SMG1: variants seen among roughly 807,000 people sequenced by gnomAD.
SMG1 encodes SMG1 nonsense mediated mRNA decay associated PI3K related kinase, also known as serine/threonine-protein kinase SMG1.
A neutral mutation model predicts 419.9 loss-of-function variants in SMG1; 22 were observed. That is an observed-to-expected ratio of 0.05 (90% CI 0.04 to 0.07). The LOEUF is 0.07. Ranked by LOEUF, SMG1 falls within the 10% of genes least tolerant of loss-of-function variation. The pLI, the probability that SMG1 is intolerant of heterozygous loss-of-function variation, is 1.00. For synonymous variants in SMG1, 1,538 were observed against 1,553.5 expected (o/e 0.99, Z 0.23); for missense variants, 3,185 against 4,342.0 (o/e 0.73, Z 7.49).
chr16:18,908,320 TCAC>T (rs1421136735), intron 1 of SMG1, among the ~76,000 whole-genome samples: 1 of 141,452 alleles, frequency 7.1e-6, no homozygotes, highest in Non-Finnish European at 1.5e-5. Flanking sequence ...AGCCGAGAGC[TCAC>T]CACTACACTC....
intron 25 of SMG1, among the ~76,000 whole-genome samples, chr16:18,861,984 G>A (rs909312432): frequency 3.3e-5 from 5 of 151,816 alleles, no homozygotes; most frequent in African/African-American, 1.2e-4. Context: ...CCTTCCCCTT[G>A]GCCAAAAGAA....
intron 29 of SMG1, 118 bp downstream of exon 29, chr16:18,858,052 A>C: frequency 2.7e-6 from 2 of 751,364 alleles, no homozygotes; most frequent in Middle Eastern, 2.6e-4. Context: ...ACACAAGTGA[A>C]GACATGTTAG....
Position 18,829,390 on chromosome 16 carries a change from C to T in SMG1, c.9499G>A (p.Asp3167Asn), listed in dbSNP as rs867858063. The part of the protein sequence containing the change: ...NRATVLASSY[D>N]TAWKKHDLVR... ...AAGTCATGCTTCTTCCAGGCAGTGTCGTAAGAACTTGCTAACACAGTTGCC... is the reference window on the plus strand; with the variant it reads ...AAGTCATGCTTCTTCCAGGCAGTGTTGTAAGAACTTGCTAACACAGTTGCC... The change falls in exon 54 of 63, where the codon GAC becomes AAC. Residue 3167 changes from aspartate to asparagine, a missense_variant. By Grantham distance (23) the Asp-to-Asn change is conservative (BLOSUM62 1). Transcript: ENST00000446231. 9 of 1,613,996 alleles carry T rather than the reference C, an allele frequency of 5.6e-6. No individual in the cohort carries two copies. The highest frequency in any genetic ancestry group is 1.3e-5 in the African/African-American group (1 of 75,058).
rs748804972 is a variant in SMG1 at position 18,853,674 on chromosome 16, A to T, written c.4677T>A (p.Ser1559=). ...GAGTGAGTATGTTTTTAGACAAAGT[A>T]GAAAGACCTGTGAAGTTCTGTTGGT... ...AQHQQNFTGL[S]TLSKNILTLI... Residue 1559 remains serine, a synonymous_variant, in exon 31 of 63, where the codon TCT becomes TCA. Transcript: ENST00000446231. 2.0e-5 allele frequency: 32 copies of T among 1,613,422 alleles called. No individual in the cohort carries two copies. Among genetic ancestry groups the T allele is most frequent in the African/African-American group, 9.3e-5 (7 of 74,946 alleles).
At position 18,905,187 on chromosome 16, in the gene SMG1, G is replaced by A. The variant is rs145399474; in HGVS notation, c.93-8231C>T. 7.8e-3 allele frequency among the ~76,000 whole-genome samples: 1,184 copies of A among 152,256 alleles called. 19 individuals carry two copies. Among genetic ancestry groups the A allele is most frequent in the African/African-American group, 0.026 (1,071 of 41,532 alleles). On this transcript the variant is annotated intron_variant, in intron 1 of 62. Transcript: ENST00000446231. ...GAAGCAGGAGAACCACTTGAACCCC[G>A]GAGGTGGAGGTTGCAGTGAGCTGAG...
intron 1 of SMG1, among the ~76,000 whole-genome samples, chr16:18,907,175 AG>A (rs2037595950): frequency 6.6e-6 from 1 of 151,730 alleles, no homozygotes; most frequent in Non-Finnish European, 1.5e-5. Context: ...CCAGCTACTC[AG>A]GAGGCTGAGG....
chr16:18,898,997 T>C lies in SMG1; in HGVS notation c.93-2041A>G, dbSNP rs557048178. 7.9e-5 allele frequency among the ~76,000 whole-genome samples: 12 copies of C among 152,326 alleles called. No homozygotes were observed. In the East Asian group the frequency reaches 1.2e-3, roughly 15 times the overall value. ...GATACCTACCTAACATGCAAGGTTGTTGTGAGGCTTAAATAAGATAATGAA... is the reference window on the plus strand; with the variant it reads ...GATACCTACCTAACATGCAAGGTTGCTGTGAGGCTTAAATAAGATAATGAA... On this transcript the variant is annotated intron_variant, in intron 1 of 62. Transcript: ENST00000446231.
intron 16 of SMG1, among the ~76,000 whole-genome samples, 189 bp from the exon 17 acceptor site, chr16:18,871,077 C>T (rs893274898): frequency 6.6e-6 from 1 of 152,138 alleles, no homozygotes; most frequent in Non-Finnish European, 1.5e-5. Context: ...ACAAAACCCA[C>T]GTAATGTAAC....
At chr16:18,854,082 CTTTTTTT>C (rs11448105) in intron 30 of SMG1, among the ~76,000 whole-genome samples, 3 of 84,012 alleles carry the variant, frequency 3.6e-5, no homozygotes, top group Non-Finnish European at 6.4e-5. Context: ...AAATACTAAA[CTTTTTTT>C]TTTTTTTTTT....
At position 18,819,530 on chromosome 16, in the gene SMG1, A is replaced by G; in HGVS notation, c.9866T>C (p.Val3289Ala). The G allele has an allele frequency of 6.2e-7, 1 of 1,610,002 alleles. No individual in the cohort carries two copies. Among genetic ancestry groups the G allele is most frequent in the Non-Finnish European group, 8.5e-7 (1 of 1,177,912 alleles). ...ACTTGCTCTTTGGCTCTCTTTAAGG[A>G]CAAGATTTCTTCTTTCAGCTATCGT... ...EATIAERRNL[V>A]LKESQRASQV... The change falls in exon 56 of 63, where the codon GTC (valine) becomes GCC (alanine). Residue 3289 changes from valine to alanine, a missense_variant. Coordinates refer to ENST00000446231, the MANE Select transcript of SMG1 (RefSeq NM_015092.5).
At chr16:18,924,638 G>A (rs1422312564) in intron 1 of SMG1, among the ~76,000 whole-genome samples, 1 of 152,028 alleles carries the variant, frequency 6.6e-6, no homozygotes, top group Non-Finnish European at 1.5e-5. Context: ...TACAAGACAA[G>A]TCAACGCTGT....
At chr16:18,838,879 A>G (rs1170228455) in intron 42 of SMG1, among the ~76,000 whole-genome samples, 190 bp from the exon 43 acceptor site, 2 of 152,192 alleles carry the variant, frequency 1.3e-5, no homozygotes, top group East Asian at 3.8e-4. Context: ...TGTAGACCTG[A>G]TTGGTCCTAG....
intron 19 of SMG1, 108 bp downstream of exon 19, chr16:18,869,746 T>C: frequency 1.1e-6 from 1 of 887,734 alleles, no homozygotes; most frequent in East Asian, 2.5e-5. Context: ...AGAATGTTAC[T>C]TGATACTCTG....
chr16:18,865,001 T>C (rs755747032), intron 23 of SMG1, among the ~76,000 whole-genome samples: 8 of 152,182 alleles, frequency 5.3e-5, no homozygotes, highest in East Asian at 1.9e-4. Context: ...CTGATGTCAG[T>C]GTGTGGAAAG....
At position 18,896,081 on chromosome 16, in the gene SMG1, A is replaced by G. The variant is rs2141847521; in HGVS notation, c.383T>C (p.Leu128Ser). 1.9e-6 allele frequency: 3 copies of G among 1,611,368 alleles called. No homozygotes were observed. The South Asian group carries it at 3.3e-5, about 18-fold the overall frequency. ...FTSVQHGSRA[L>S]ATKDMRKSQE... ...TGATTTCCTCATGTCTTTGGTGGCT[A>G]AAGCACGACTGCCATGCTGAACACT... Residue 128 changes from leucine (L) to serine (S), a missense_variant, in exon 3 of 63, where the codon TTA becomes TCA. Physicochemically the swap from Leu to Ser is moderately radical, Grantham distance 145. Transcript: ENST00000446231.
At chr16:18,811,616 C>A (rs1250885497) in intron 62 of SMG1, 145 bp downstream of exon 62, 3 of 767,722 alleles carry the variant, frequency 3.9e-6, no homozygotes, top group Non-Finnish European at 6.6e-6. Flanking sequence ...GACGCCAGAG[C>A]TGTGTTACTC....
chr16:18,854,761 G>C lies in SMG1; in HGVS notation c.4378C>G (p.Gln1460Glu). The change falls in exon 30 of 63, where the codon CAG becomes GAG. Residue 1460 changes from glutamine to glutamate, a missense_variant. Gln to Glu is a conservative substitution (Grantham distance 29). Transcript: ENST00000446231. ...EVQLGKTTTA[Q>E]DLVQHFKKLS... ...TTTTTAAAATGTTGGACTAAATCCT[G>C]TGCAGTGGTGGTCTTTCCCAGCTGA... The C allele has an allele frequency of 1.2e-6, 2 of 1,614,000 alleles. No homozygotes were observed. Among genetic ancestry groups the C allele is most frequent in the South Asian group, 1.1e-5 (1 of 91,084 alleles).
Position 18,866,652 on chromosome 16 carries a change from T to C in SMG1, c.3319A>G (p.Ile1107Val), listed in dbSNP as rs750564314. The change falls in exon 23 of 63, where the codon ATT becomes GTT. Residue 1107 changes from isoleucine to valine, a missense_variant. Transcript: ENST00000446231. ...SSIVGKNLLW[I>V]NSVAQQAEGR... ...TCAGCCTGTTGAGCCACTGAGTTAA[T>C]CCACAGAAGATTTTTTCCAACAATA... The C allele has an allele frequency of 6.3e-6, 10 of 1,594,384 alleles. No individual in the cohort carries two copies. The highest frequency in any genetic ancestry group is 3.3e-5 in the Admixed American group (2 of 59,988).
chr16:18,831,636 G>T (rs1013705168), intron 51 of SMG1, among the ~76,000 whole-genome samples: 3 of 151,112 alleles, frequency 2.0e-5, no homozygotes, highest in Non-Finnish European at 4.4e-5. Flanking sequence ...TACGTCCATA[G>T]TCCCAGCTAC....
Sources: gnomAD v4.1 joint callset for allele counts (sites outside exome capture counted in the v4.1 genomes callset) on GRCh38, gnomAD v4.1.1 for gene constraint, MANE v1.5 for transcripts, NCBI Gene and HGNC (gene_info 2026-07-23, HGNC 2026-07-21) for gene names.